ZRANB3: variants seen among roughly 807,000 people sequenced by gnomAD.
ZRANB3 encodes zinc finger RANBP2-type containing 3, also known as DNA annealing helicase and endonuclease ZRANB3.
Under a neutral mutation model 133.8 loss-of-function variants are expected in ZRANB3, and 125 were observed. The ratio of observed to expected loss-of-function variants is 0.93; its 90% CI spans 0.81 to 1.08. The LOEUF (loss-of-function observed/expected upper bound fraction) is 1.08, where lower values mean the gene tolerates loss of function less well. Ranked by LOEUF, ZRANB3 falls within the 50% of genes least tolerant of loss-of-function variation. The probability of loss-of-function intolerance (pLI) is 0.00; values close to 1 mark genes in which losing one functional copy is unlikely to be tolerated. For synonymous variants in ZRANB3, 387 were observed against 432.7 expected (o/e 0.89, Z 1.31); for missense variants, 1,229 against 1,275.5 (o/e 0.96, Z 0.56).
intron 1 of ZRANB3, chr2:135,511,340 T>A (rs900551365): frequency 8.2e-5 from 70 of 852,718 alleles, no homozygotes; most frequent in Non-Finnish European, 1.3e-4. Context: ...CTTGTTCTGG[T>A]TCTGGCTCAG....
At chr2:135,304,512 T>C (rs1682584965) in intron 8 of ZRANB3, among the ~76,000 whole-genome samples, 1 of 152,198 alleles carries the variant, frequency 6.6e-6, no homozygotes, top group South Asian at 2.1e-4. Flanking sequence ...TATAGTTTTC[T>C]CATTATTTTG....
chr2:135,450,593 A>T (rs1187110414), intron 2 of ZRANB3, among the ~76,000 whole-genome samples: 1 of 152,182 alleles, frequency 6.6e-6, no homozygotes, highest in Non-Finnish European at 1.5e-5. Flanking sequence ...CCAAGAGAGT[A>T]ACAGACTGGA....
At chr2:135,346,070 A>C (rs1016616109) in intron 5 of ZRANB3, among the ~76,000 whole-genome samples, 2 of 152,162 alleles carry the variant, frequency 1.3e-5, no homozygotes, top group African/African-American at 4.8e-5. Flanking sequence ...GATATTGGAC[A>C]TATAGGCTAT....
Position 135,313,581 on chromosome 2 carries a change from A to T in ZRANB3, c.874T>A (p.Trp292Arg). 1.2e-6 allele frequency: 2 copies of T among 1,613,372 alleles called. No homozygotes were observed. Among genetic ancestry groups the T allele is most frequent in the Non-Finnish European group, 1.7e-6 (2 of 1,179,618 alleles). The change falls in exon 8 of 21, where the codon TGG becomes AGG. Residue 292 changes from tryptophan to arginine, a missense_variant. Physicochemically the swap from Trp to Arg is moderately radical, Grantham distance 101. Coordinates refer to ENST00000264159, the MANE Select transcript of ZRANB3 (RefSeq NM_032143.4). ...AKELNTSFEEWEKIMRTPNSG... is the reference protein window; with the variant it reads ...AKELNTSFEEREKIMRTPNSG... ...TTTGGAGTTCTCATTATTTTTTCCC[A>T]CTCTTCAAAGCTGGTATTCAATTCC... is the stretch of plus-strand genomic sequence containing the variant.
chr2:135,278,856 T>G (rs1680967221), intron 8 of ZRANB3, among the ~76,000 whole-genome samples: 1 of 152,120 alleles, frequency 6.6e-6, no homozygotes, highest in Admixed American at 6.6e-5. Flanking sequence ...CAAGCCAAAA[T>G]TGGTAATAAG....
intron 3 of ZRANB3, among the ~76,000 whole-genome samples, chr2:135,375,414 G>T (rs571557010): frequency 6.6e-6 from 1 of 152,058 alleles, no homozygotes; most frequent in Admixed American, 6.6e-5. Context: ...GGCCGGGCAC[G>T]GTGGCTCACT....
chr2:135,390,391 T>C (rs546662121), intron 3 of ZRANB3, among the ~76,000 whole-genome samples: 2 of 152,276 alleles, frequency 1.3e-5, no homozygotes, highest in Admixed American at 1.3e-4. Context: ...TGTTGAGTGA[T>C]AATAAAATAC....
In ZRANB3 at chr2:135,517,874, C is replaced by T. The variant is rs1693764701; in HGVS notation, c.-8+13253G>A. On this transcript the variant is annotated intron_variant, in intron 1 of 20. Coordinates refer to ENST00000264159, the MANE Select transcript of ZRANB3 (RefSeq NM_032143.4). ...AGCTGTGAGCACAGCTGCCCCTTCC[C>T]CCAGGTGCTCTGTCCCAGGAAGATG... is the stretch of plus-strand genomic sequence containing the variant. Among the ~76,000 whole-genome samples the T allele has an allele frequency of 2.0e-5, 3 of 152,320 alleles. No homozygotes were observed. The South Asian group carries it at 6.2e-4, about 32-fold the overall frequency.
chr2:135,426,857 A>T, intron 2 of ZRANB3, among the ~76,000 whole-genome samples: 1 of 54,758 alleles, frequency 1.8e-5, no homozygotes, highest in South Asian at 1.0e-3. Context: ...AAAAAAAAAA[A>T]AAAAAAATAT....
intron 14 of ZRANB3, among the ~76,000 whole-genome samples, 196 bp from the exon 15 acceptor site, chr2:135,224,713 C>T (rs1694691671): frequency 6.6e-6 from 1 of 152,078 alleles, no homozygotes; most frequent in Non-Finnish European, 1.5e-5. Context: ...TATATGGTAA[C>T]CAATTGTTTT....
At chr2:135,504,262 C>A (rs752545422) in intron 2 of ZRANB3, 67 bp downstream of exon 2, 1 of 1,581,412 alleles carries the variant, frequency 6.3e-7, no homozygotes, top group African/African-American at 1.3e-5. Context: ...AAAGTTTGAA[C>A]AGAACTTTGT....
chr2:135,313,458 G>A, intron 8 of ZRANB3, 31 bp downstream of exon 8: 1 of 1,385,926 alleles, frequency 7.2e-7, no homozygotes, highest in Non-Finnish European at 1.0e-6. Flanking sequence ...TTTGTATGAA[G>A]ACAAATACAT....
At chr2:135,251,871 C>T (rs1679414210) in intron 12 of ZRANB3, among the ~76,000 whole-genome samples, 1 of 152,106 alleles carries the variant, frequency 6.6e-6, no homozygotes. Context: ...CTCGTCTCTA[C>T]TAAAAATACA....
chr2:135,370,198 AG>A (rs1573988974), intron 3 of ZRANB3, among the ~76,000 whole-genome samples: 1 of 151,236 alleles, frequency 6.6e-6, no homozygotes, highest in East Asian at 1.9e-4. Flanking sequence ...TTATTTCCAT[AG>A]GTTACTGGAG....
At chr2:135,378,828 C>T (rs1230674387) in intron 3 of ZRANB3, among the ~76,000 whole-genome samples, 1 of 152,134 alleles carries the variant, frequency 6.6e-6, no homozygotes, top group Non-Finnish European at 1.5e-5. Context: ...AACTACCTAA[C>T]CACTAATTTT....
At chr2:135,209,772 A>C (rs1322056805) in intron 17 of ZRANB3, among the ~76,000 whole-genome samples, 1 of 152,172 alleles carries the variant, frequency 6.6e-6, no homozygotes, top group Non-Finnish European at 1.5e-5. Flanking sequence ...TTTAAACATG[A>C]ATTTCTTAAT....
intron 20 of ZRANB3, among the ~76,000 whole-genome samples, chr2:135,201,768 A>G (rs1209966797): frequency 6.6e-6 from 1 of 152,166 alleles, no homozygotes. Flanking sequence ...AGCATCTTTT[A>G]AAAACATCGA....
intron 2 of ZRANB3, among the ~76,000 whole-genome samples, chr2:135,417,673 G>A (rs1483311495): frequency 2.6e-5 from 4 of 152,186 alleles, no homozygotes; most frequent in Non-Finnish European, 1.5e-5. Context: ...TATGTTTACT[G>A]TGGCATTATT....
intron 3 of ZRANB3, among the ~76,000 whole-genome samples, chr2:135,356,744 C>G (rs938291713): frequency 7.2e-5 from 11 of 152,142 alleles, no homozygotes; most frequent in African/African-American, 2.7e-4. Context: ...TAGATAGGGT[C>G]TTGCTGTGGC....
Sources: allele counts gnomAD v4.1 joint callset (sites outside exome capture counted in the v4.1 genomes callset), GRCh38; gene constraint gnomAD v4.1.1; transcripts MANE v1.5; gene names NCBI Gene and HGNC (gene_info 2026-07-23, HGNC 2026-07-21).